Variants in TNRC6A observed in about 807,000 individuals in gnomAD.
TNRC6A encodes trinucleotide repeat-containing gene 6A protein.
In TNRC6A, 44 loss-of-function variants were observed where a neutral mutation model predicts 221.2. The observed-to-expected ratio is 0.20, with a 90% CI of 0.16 to 0.26. The LOEUF is 0.26. Among genes scored for constraint, TNRC6A ranks in the 10% least tolerant of loss-of-function variants. The pLI is 1.00. For missense variants in TNRC6A, 2,199 were observed against 2,404.4 expected (o/e 0.91, Z 1.79); for synonymous variants, 847 against 838.5 (o/e 1.01, Z -0.18).
intron 4 of TNRC6A, among the ~76,000 whole-genome samples, chr16:24,767,196 CCT>C (rs2057493000): frequency 6.6e-6 from 1 of 152,160 alleles, no homozygotes; most frequent in Non-Finnish European, 1.5e-5. Flanking sequence ...CTAAATTTTG[CCT>C]AATCCCAGGT....
intron 1 of TNRC6A, among the ~76,000 whole-genome samples, chr16:24,639,565 C>G (rs1901824012): frequency 6.6e-6 from 1 of 152,180 alleles, no homozygotes; most frequent in Admixed American, 6.6e-5. Context: ...TAGATTCATT[C>G]ACTGATTTCT....
intron 4 of TNRC6A, 140 bp downstream of exon 4, chr16:24,758,500 TG>T: frequency 1.2e-6 from 1 of 847,180 alleles, no homozygotes; most frequent in Non-Finnish European, 1.9e-6. Flanking sequence ...TAACATACCC[TG>T]GGGTCGTCCT....
chr16:24,707,420 C>T (rs797011881), intron 2 of TNRC6A, among the ~76,000 whole-genome samples: 31 of 151,646 alleles, frequency 2.0e-4, no homozygotes, highest in African/African-American at 7.0e-4. Context: ...AGACACAAAA[C>T]TCAGATGCTA....
At chr16:24,785,781 C>T (rs2057953187) in intron 5 of TNRC6A, among the ~76,000 whole-genome samples, 1 of 152,162 alleles carries the variant, frequency 6.6e-6, no homozygotes, top group Non-Finnish European at 1.5e-5. Flanking sequence ...CTTACTCCTG[C>T]CTTGTGAAAG....
chr16:24,809,787 A>G (rs990760156), intron 18 of TNRC6A, among the ~76,000 whole-genome samples: 3 of 152,216 alleles, frequency 2.0e-5, no homozygotes, highest in Admixed American at 6.5e-5. Flanking sequence ...ACTTATTAAC[A>G]TTTACTGGAT....
chr16:24,694,341 C>T (rs1484695098), intron 2 of TNRC6A, among the ~76,000 whole-genome samples: 1 of 152,124 alleles, frequency 6.6e-6, no homozygotes, highest in Non-Finnish European at 1.5e-5. Flanking sequence ...ATGACCCTAA[C>T]TGCAGTGATC....
chr16:24,660,804 C>T (rs1479435871), intron 2 of TNRC6A, among the ~76,000 whole-genome samples: 3 of 127,794 alleles, frequency 2.3e-5, no homozygotes, highest in Non-Finnish European at 4.6e-5. Context: ...TGTAGTGGAG[C>T]GATCTCGGCT....
intron 3 of TNRC6A, among the ~76,000 whole-genome samples, chr16:24,751,923 T>C (rs1354506186): frequency 1.3e-5 from 2 of 151,972 alleles, no homozygotes; most frequent in Admixed American, 6.6e-5. Context: ...AGGAGCAGAA[T>C]AGAAAAGGAT....
At chr16:24,747,408 A>G (rs2057036701) in intron 2 of TNRC6A, among the ~76,000 whole-genome samples, 1 of 152,200 alleles carries the variant, frequency 6.6e-6, no homozygotes, top group Non-Finnish European at 1.5e-5. Flanking sequence ...CATAGAACTT[A>G]CAGATGTGAG....
At chr16:24,756,838 T>A (rs1402687249) in intron 3 of TNRC6A, among the ~76,000 whole-genome samples, 1 of 152,184 alleles carries the variant, frequency 6.6e-6, no homozygotes, top group Admixed American at 6.5e-5. Flanking sequence ...GAAACTTAGT[T>A]TCCATTGGAA....
intron 2 of TNRC6A, among the ~76,000 whole-genome samples, chr16:24,735,617 T>C (rs1331398151): frequency 6.6e-6 from 1 of 152,212 alleles, no homozygotes; most frequent in Non-Finnish European, 1.5e-5. Flanking sequence ...AATTTAAAAA[T>C]GTGTAACAAC....
At chr16:24,686,283 C>A (rs1014880472) in intron 2 of TNRC6A, among the ~76,000 whole-genome samples, 1 of 152,128 alleles carries the variant, frequency 6.6e-6, no homozygotes. Context: ...TTCCCTCACG[C>A]GAGCCGAGAG....
intron 2 of TNRC6A, among the ~76,000 whole-genome samples, chr16:24,651,981 T>C (rs928413959): frequency 5.3e-5 from 8 of 151,196 alleles, no homozygotes; most frequent in African/African-American, 1.7e-4. Flanking sequence ...GATGGATAGA[T>C]AGAGACACAG....
chr16:24,795,819 T>G (rs1259276572), intron 8 of TNRC6A, 88 bp from the exon 9 acceptor site: 2 of 1,310,588 alleles, frequency 1.5e-6, no homozygotes, highest in East Asian at 2.4e-5. Flanking sequence ...AGCGACAGAG[T>G]AAGGACTTAA....
chr16:24,662,610 A>G (rs2055059632), intron 2 of TNRC6A: 1 of 152,686 alleles, frequency 6.5e-6, no homozygotes, highest in Non-Finnish European at 1.5e-5. Flanking sequence ...AATATCCAGC[A>G]TTAGGGGAAA....
intron 2 of TNRC6A, among the ~76,000 whole-genome samples, chr16:24,699,826 T>A (rs2055934788): frequency 6.6e-6 from 1 of 151,828 alleles, no homozygotes; most frequent in Non-Finnish European, 1.5e-5. Context: ...TCTTTAACAG[T>A]CAACCCTGAG....
intron 4 of TNRC6A, 122 bp from the exon 5 acceptor site, chr16:24,776,811 T>C (rs1324004216): frequency 1.3e-6 from 2 of 1,499,600 alleles, no homozygotes; most frequent in East Asian, 4.6e-5. Context: ...ATATCCCTGC[T>C]CACAGAAAGC....
chr16:24,742,074 G>A (rs141982126), intron 2 of TNRC6A, among the ~76,000 whole-genome samples: 1 of 152,242 alleles, frequency 6.6e-6, no homozygotes, highest in East Asian at 1.9e-4. Flanking sequence ...GGCCTCAAGT[G>A]ATCCTACCAC....
rs183276549 is a variant in TNRC6A at position 24,648,459 on chromosome 16, A to G, written n.402+7450A>G. Reference sequence around the variant, plus strand: ...CTAATTTTTTGTATTTTTAGTAGAGACGGGGTTTCACCGTGTTAGCCAGGA... The same window carrying G: ...CTAATTTTTTGTATTTTTAGTAGAGGCGGGGTTTCACCGTGTTAGCCAGGA... On this transcript the variant is annotated intron_variant and non_coding_transcript_variant, in intron 2 of 2. Coordinates refer to the TNRC6A transcript ENST00000566108. 9.1e-3 allele frequency among the ~76,000 whole-genome samples: 1,379 copies of G among 151,620 alleles called. 25 individuals carry two copies. The highest frequency in any genetic ancestry group is 0.086 in the South Asian group (411 of 4,784).
Sources: allele counts gnomAD v4.1 joint callset (sites outside exome capture counted in the v4.1 genomes callset), GRCh38; gene constraint gnomAD v4.1.1; transcripts MANE v1.5; gene names NCBI Gene and HGNC (gene_info 2026-07-23, HGNC 2026-07-21).